The following LINGO2 variants were observed in gnomAD, a reference collection of about 807,000 sequenced individuals.
The protein encoded by LINGO2 is leucine rich repeat and Ig domain containing 2, also known as leucine-rich repeat and immunoglobulin-like domain-containing nogo receptor-interacting protein 2.
Under a neutral mutation model 30.6 loss-of-function variants are expected in LINGO2, and 14 were observed. The observed-to-expected ratio is 0.46, with a 90% CI of 0.30 to 0.72. LINGO2 has a LOEUF of 0.72. Among genes scored for constraint, LINGO2 ranks in the 30% least tolerant of loss-of-function variants. LINGO2 has a pLI of 0.07. For missense variants in LINGO2, 729 were observed against 751.7 expected (o/e 0.97, Z 0.35); for synonymous variants, 317 against 288.5 (o/e 1.10, Z -1.00).
At chr9:28,943,993 G>A in the LINGO2 span, among the ~76,000 whole-genome samples, 2 of 152,186 alleles carry the variant, frequency 1.3e-5, no homozygotes, top group African/African-American at 4.8e-5. Context: ...GCCCTATATA[G>A]TGGCTTAACA....
chr9:29,099,661 T>C, the LINGO2 span, among the ~76,000 whole-genome samples: 1 of 152,126 alleles, frequency 6.6e-6, no homozygotes, highest in Non-Finnish European at 1.5e-5. Flanking sequence ...CATCAGAGAA[T>C]GCAAATCAAA....
chr9:28,861,213 TATA>T, the LINGO2 span, among the ~76,000 whole-genome samples: 10 of 115,776 alleles, frequency 8.6e-5, no homozygotes, highest in South Asian at 2.2e-4. Flanking sequence ...ATATTTTTTA[TATA>T]ATATTATATA....
chr9:28,844,503 C>CAA, the LINGO2 span, among the ~76,000 whole-genome samples: 1 of 151,844 alleles, frequency 6.6e-6, no homozygotes, highest in Admixed American at 6.6e-5. Flanking sequence ...CTAAGTATAA[C>CAA]AAAAGTGCAT....
At chr9:29,106,046 A>G in the LINGO2 span, among the ~76,000 whole-genome samples, 2 of 152,224 alleles carry the variant, frequency 1.3e-5, no homozygotes, top group African/African-American at 4.8e-5. Flanking sequence ...ACCATGGGAA[A>G]TGTGAGGTAT....
chr9:29,195,740 G>C, the LINGO2 span, among the ~76,000 whole-genome samples: 2 of 152,074 alleles, frequency 1.3e-5, no homozygotes, highest in Non-Finnish European at 2.9e-5. Context: ...ATTTAATCTG[G>C]ACATACTTTA....
rs575551388 is a variant in LINGO2, at chr9:28,149,731, C to G, written c.-86-137326G>C. The stretch of plus-strand genomic sequence containing the variant: ...ACTGCCCTGTCTTGGAAGTGAGGAG[C>G]GCCTCTGCCCAGCTGCCCACCGTCT... On this transcript the variant is annotated intron_variant, in intron 4 of 5. Coordinates refer to ENST00000379992, the Ensembl canonical transcript of LINGO2. Among the ~76,000 whole-genome samples the G allele has an allele frequency of 4.1e-5, 6 of 146,484 alleles. No individual in the cohort carries two copies. In the East Asian group the frequency reaches 1.3e-3, roughly 31 times the overall value.
intron 1 of LINGO2, among the ~76,000 whole-genome samples, chr9:28,540,262 C>G (rs908694953): frequency 6.7e-6 from 1 of 150,138 alleles, no homozygotes; most frequent in African/African-American, 2.5e-5. Context: ...CTTTCTGTCT[C>G]TCTCTCTCTC....
intron 1 of LINGO2, among the ~76,000 whole-genome samples, chr9:28,490,787 G>C (rs762720040): frequency 6.6e-6 from 1 of 152,016 alleles, no homozygotes; most frequent in Non-Finnish European, 1.5e-5. Context: ...CTAAAGGGTA[G>C]TTTTTCGTAA....
At chr9:28,509,701 AC>A (rs796112259) in intron 1 of LINGO2, among the ~76,000 whole-genome samples, 4 of 152,314 alleles carry the variant, frequency 2.6e-5, no homozygotes, top group African/African-American at 9.6e-5. Flanking sequence ...ACAGCCTTCT[AC>A]AAGCTAGGAA....
At chr9:28,649,761 G>C (rs887607462) in intron 1 of LINGO2, among the ~76,000 whole-genome samples, 2 of 151,852 alleles carry the variant, frequency 1.3e-5, no homozygotes, top group Non-Finnish European at 2.9e-5. Flanking sequence ...AGAAAACTGA[G>C]GATGTGAAAA....
the LINGO2 span, among the ~76,000 whole-genome samples, chr9:28,966,986 T>C: frequency 6.6e-6 from 1 of 152,104 alleles, no homozygotes; most frequent in Non-Finnish European, 1.5e-5. Context: ...GAAAGCTGCT[T>C]ATGATCATAA....
chr9:28,622,988 A>C (rs1451791128), intron 1 of LINGO2, among the ~76,000 whole-genome samples: 2 of 151,880 alleles, frequency 1.3e-5, no homozygotes, highest in African/African-American at 4.8e-5. Context: ...TGTATGTCTT[A>C]TTTTGAGAAA....
At chr9:28,566,417 A>G (rs1388602707) in intron 1 of LINGO2, among the ~76,000 whole-genome samples, 1 of 152,304 alleles carries the variant, frequency 6.6e-6, no homozygotes, top group Non-Finnish European at 1.5e-5. Flanking sequence ...GAATATAACT[A>G]CTATGCCACA....
chr9:28,760,437 G>C, the LINGO2 span, among the ~76,000 whole-genome samples: 3 of 151,966 alleles, frequency 2.0e-5, no homozygotes, highest in Non-Finnish European at 4.4e-5. Context: ...AGATTTTCAA[G>C]AAATTCAACA....
At chr9:28,010,102 C>T (rs778883093) in intron 5 of LINGO2, among the ~76,000 whole-genome samples, 33 of 152,190 alleles carry the variant, frequency 2.2e-4, no homozygotes, top group Admixed American at 6.5e-4. Context: ...GATATCATTA[C>T]GCAAAGTGAA....
At chr9:28,802,905 T>C in the LINGO2 span, among the ~76,000 whole-genome samples, 1 of 152,018 alleles carries the variant, frequency 6.6e-6, no homozygotes, top group Non-Finnish European at 1.5e-5. Flanking sequence ...CTTCAGGATA[T>C]TGTCACCTTG....
chr9:27,938,379 A>T, the LINGO2 span: 1 of 152,150 alleles, frequency 6.6e-6, no homozygotes, highest in South Asian at 2.1e-4. Flanking sequence ...TAGGTCCCCA[A>T]TTCTATATAC....
intron 4 of LINGO2, among the ~76,000 whole-genome samples, chr9:28,239,887 A>G (rs1821719737): frequency 6.6e-6 from 1 of 152,216 alleles, no homozygotes; most frequent in Non-Finnish European, 1.5e-5. Flanking sequence ...GGAAAAACCA[A>G]AAGATTCTAC....
intron 1 of LINGO2, among the ~76,000 whole-genome samples, chr9:28,579,669 G>A (rs1824163891): frequency 6.6e-6 from 1 of 151,854 alleles, no homozygotes; most frequent in South Asian, 2.1e-4. Flanking sequence ...CAAACTGAGA[G>A]GCAATATATA....
Sources: allele counts gnomAD v4.1 joint callset (sites outside exome capture counted in the v4.1 genomes callset), GRCh38; gene constraint gnomAD v4.1.1; transcripts MANE v1.5; gene names NCBI Gene and HGNC (gene_info 2026-07-23, HGNC 2026-07-21).